DNER: variants seen among roughly 807,000 people sequenced by gnomAD.
DNER encodes the protein delta/notch like EGF repeat containing, also known as delta and Notch-like epidermal growth factor-related receptor.
A neutral mutation model predicts 78.2 loss-of-function variants in DNER; 33 were observed. The observed-to-expected ratio is 0.42, with a 90% confidence interval of 0.32 to 0.56. The LOEUF is 0.56. Among genes scored for constraint, DNER ranks in the 20% least tolerant of loss-of-function variants. The pLI is 0.11. For synonymous variants in DNER, 417 were observed against 384.8 expected (o/e 1.08, Z -0.98); for missense variants, 918 against 975.3 (o/e 0.94, Z 0.78).
At chr2:229,590,509 G>A (rs151158203) in intron 2 of DNER, among the ~76,000 whole-genome samples, 28 of 152,238 alleles carry the variant, frequency 1.8e-4, no homozygotes, top group African/African-American at 5.8e-4. Context: ...GAATGTCTGC[G>A]CCCCTCTAAA....
At chr2:229,436,051 C>A (rs1694114376) in intron 8 of DNER, among the ~76,000 whole-genome samples, 1 of 152,056 alleles carries the variant, frequency 6.6e-6, no homozygotes, top group African/African-American at 2.4e-5. Flanking sequence ...ATTATTTTCT[C>A]ACCCAGGTAA....
intron 1 of DNER, among the ~76,000 whole-genome samples, chr2:229,650,196 C>A (rs1267419895): frequency 6.6e-6 from 1 of 152,012 alleles, no homozygotes; most frequent in African/African-American, 2.4e-5. Flanking sequence ...AAGGAAATTT[C>A]ATCAGCTGGA....
chr2:229,405,572 T>C (rs1161223162), intron 10 of DNER, among the ~76,000 whole-genome samples: 1 of 150,318 alleles, frequency 6.7e-6, no homozygotes, highest in Admixed American at 6.8e-5. Flanking sequence ...CCAGTAAAAA[T>C]AAAACAGAAG....
At chr2:229,539,374 T>C (rs1017301230) in intron 5 of DNER, among the ~76,000 whole-genome samples, 10 of 152,196 alleles carry the variant, frequency 6.6e-5, no homozygotes, top group African/African-American at 2.4e-4. Flanking sequence ...CAAAGATCCA[T>C]GGGTTCAAAT....
At chr2:229,535,014 T>C (rs1231423039) in intron 5 of DNER, among the ~76,000 whole-genome samples, 1 of 152,100 alleles carries the variant, frequency 6.6e-6, no homozygotes, top group Non-Finnish European at 1.5e-5. Context: ...TTCTGTATTT[T>C]TAGTAGAGAC....
chr2:229,658,073 G>A (rs1453828063), intron 1 of DNER, among the ~76,000 whole-genome samples: 4 of 152,164 alleles, frequency 2.6e-5, no homozygotes, highest in African/African-American at 4.8e-5. Flanking sequence ...CAAGCAGCTC[G>A]TCAGTCTAAG....
chr2:229,651,713 A>G (rs1328169740), intron 1 of DNER, among the ~76,000 whole-genome samples: 6 of 152,220 alleles, frequency 3.9e-5, no homozygotes. Flanking sequence ...CAAACAATGA[A>G]TTTAGCCAAG....
chr2:229,695,046 T>A (rs1699641122), intron 1 of DNER, among the ~76,000 whole-genome samples: 1 of 152,162 alleles, frequency 6.6e-6, no homozygotes, highest in East Asian at 1.9e-4. Flanking sequence ...TCCCATGAGA[T>A]CTGATGGTTT....
intron 4 of DNER, among the ~76,000 whole-genome samples, chr2:229,570,831 G>A (rs975236234): frequency 1.3e-5 from 2 of 152,076 alleles, no homozygotes; most frequent in Non-Finnish European, 2.9e-5. Context: ...CAAAAGCCAA[G>A]GCACAGGGAT....
At chr2:229,488,574 CTAAG>C (rs1464938342) in intron 6 of DNER, among the ~76,000 whole-genome samples, 9 of 152,242 alleles carry the variant, frequency 5.9e-5, no homozygotes, top group African/African-American at 2.2e-4. Flanking sequence ...CTCAGAGGAG[CTAAG>C]TAAAGTTGGT....
At chr2:229,564,322 T>TCAA (rs1697051357) in intron 4 of DNER, among the ~76,000 whole-genome samples, 1 of 143,890 alleles carries the variant, frequency 6.9e-6, no homozygotes, top group Non-Finnish European at 1.5e-5. Context: ...ACCATCATCA[T>TCAA]CTTCCTCACC....
rs552661076 is a variant in DNER, at chr2:229,429,136, G to C, written c.1487-10906C>G. Reference sequence around the variant, plus strand: ...AAGATGGTGGAGCATATGGGGGCTGGGGGTACAATGTGAGAGTTTGAGAGA... The same window carrying C: ...AAGATGGTGGAGCATATGGGGGCTGCGGGTACAATGTGAGAGTTTGAGAGA... On this transcript the variant is annotated intron_variant, in intron 8 of 12. Coordinates refer to ENST00000341772, the MANE Select transcript of DNER (RefSeq NM_139072.4). Among the ~76,000 whole-genome samples the C allele has an allele frequency of 3.9e-5, 6 of 152,282 alleles. No homozygotes were observed. In the South Asian group the frequency reaches 1.2e-3, roughly 32 times the overall value.
chr2:229,466,792 A>G (rs1694816137), intron 7 of DNER, among the ~76,000 whole-genome samples: 1 of 152,210 alleles, frequency 6.6e-6, no homozygotes, highest in Non-Finnish European at 1.5e-5. Flanking sequence ...GAACATGTAG[A>G]GCACACTGTT....
At chr2:229,505,527 G>A (rs1280815538) in intron 6 of DNER, among the ~76,000 whole-genome samples, 1 of 152,196 alleles carries the variant, frequency 6.6e-6, no homozygotes, top group Non-Finnish European at 1.5e-5. Context: ...GAGAGACCCT[G>A]ACAGAGGCAG....
rs1364786406 is a variant in DNER at position 229,399,812 on chromosome 2, T to C, written c.1723+7420A>G. Reference sequence around the variant, plus strand: ...TCAGCTAATGATGCTTGAAAAATTATACTTACATAAGCAAATGTAAATAAA... The same window carrying C: ...TCAGCTAATGATGCTTGAAAAATTACACTTACATAAGCAAATGTAAATAAA... On this transcript the variant is annotated intron_variant, in intron 10 of 12. Transcript: ENST00000341772. Among the ~76,000 whole-genome samples the C allele has an allele frequency of 2.6e-5, 4 of 152,022 alleles. No homozygotes were observed. In the East Asian group the frequency reaches 5.8e-4, roughly 22 times the overall value.
intron 7 of DNER, among the ~76,000 whole-genome samples, chr2:229,472,530 C>G (rs1445543582): frequency 6.6e-6 from 1 of 151,980 alleles, no homozygotes; most frequent in Non-Finnish European, 1.5e-5. Flanking sequence ...ATACATGTAT[C>G]TAAATACATT....
intron 11 of DNER, among the ~76,000 whole-genome samples, chr2:229,368,027 C>T (rs1692390222): frequency 6.6e-6 from 1 of 152,098 alleles, no homozygotes; most frequent in Non-Finnish European, 1.5e-5. Context: ...TAATATTTTA[C>T]CATTTTTCTT....
At chr2:229,406,183 G>C (rs1202465042) in intron 10 of DNER, among the ~76,000 whole-genome samples, 1 of 152,296 alleles carries the variant, frequency 6.6e-6, no homozygotes, top group East Asian at 1.9e-4. Context: ...TCCGGGGCTT[G>C]GGAGGTGGCC....
chr2:229,554,394 C>T (rs1434340626), intron 4 of DNER, among the ~76,000 whole-genome samples: 2 of 152,078 alleles, frequency 1.3e-5, no homozygotes, highest in Admixed American at 1.3e-4. Context: ...CTCGTCCCTA[C>T]AAAAAATTTT....
Sources: gnomAD v4.1 joint callset for allele counts (sites outside exome capture counted in the v4.1 genomes callset) on GRCh38, gnomAD v4.1.1 for gene constraint, MANE v1.5 for transcripts, NCBI Gene and HGNC (gene_info 2026-07-23, HGNC 2026-07-21) for gene names.